Variants in ADAMTS6 observed in about 807,000 individuals in gnomAD.
ADAMTS6 encodes the protein ADAM metallopeptidase with thrombospondin type 1 motif 6.
A neutral mutation model predicts 144.3 loss-of-function variants in ADAMTS6; 23 were observed. That is an observed-to-expected ratio of 0.16 (90% CI 0.11 to 0.23). The LOEUF is 0.23. ADAMTS6 is among the 10% of genes least tolerant of loss of function. The pLI, the probability that ADAMTS6 is intolerant of heterozygous loss-of-function variation, is 1.00. For missense variants in ADAMTS6, 999 were observed against 1,379.6 expected, an observed-to-expected ratio of 0.72 and a Z score of 4.37; for synonymous variants, 444 against 457.5, an observed-to-expected ratio of 0.97 and a Z score of 0.38.
chr5:65,164,689 C>T lies in ADAMTS6; in HGVS notation c.3244+5928G>A, dbSNP rs1490023243. ...CAGCACGCAGCTGGAGATCTGAGAACGGGCAGACTGCCTCCTCAAGTGGGT... is the reference window on the plus strand; with the variant it reads ...CAGCACGCAGCTGGAGATCTGAGAATGGGCAGACTGCCTCCTCAAGTGGGT... On this transcript the variant is annotated intron_variant, in intron 24 of 24. Transcript: ENST00000381055. 3.4e-3 allele frequency among the ~76,000 whole-genome samples: 505 copies of T among 146,908 alleles called. 1 individual carries two copies. Among genetic ancestry groups the T allele is most frequent in the African/African-American group, 0.012 (467 of 38,888 alleles).
At chr5:65,422,721 T>C (rs1756173441) in intron 7 of ADAMTS6, among the ~76,000 whole-genome samples, 1 of 152,122 alleles carries the variant, frequency 6.6e-6, no homozygotes, top group African/African-American at 2.4e-5. Flanking sequence ...ACAAACTCTA[T>C]GGAAAGCAGT....
intron 7 of ADAMTS6, among the ~76,000 whole-genome samples, chr5:65,444,400 C>T (rs1183920246): frequency 6.6e-6 from 1 of 152,078 alleles, no homozygotes; most frequent in East Asian, 1.9e-4. Flanking sequence ...AATAAATGAA[C>T]TTAGCAAGGT....
intron 7 of ADAMTS6, among the ~76,000 whole-genome samples, chr5:65,371,551 C>T (rs527649194): frequency 5.9e-5 from 9 of 151,718 alleles, no homozygotes; most frequent in African/African-American, 1.5e-4. Context: ...TGAAATGAAG[C>T]GAGAAGGGAA....
At chr5:65,467,498 A>G (rs188799569) in intron 3 of ADAMTS6, among the ~76,000 whole-genome samples, 1 of 152,162 alleles carries the variant, frequency 6.6e-6, no homozygotes, top group Non-Finnish European at 1.5e-5. Context: ...GAATCAGACT[A>G]GCAGCAGACT....
At chr5:65,387,315 CATAG>C (rs1186995793) in intron 7 of ADAMTS6, among the ~76,000 whole-genome samples, 1 of 152,158 alleles carries the variant, frequency 6.6e-6, no homozygotes, top group Admixed American at 6.5e-5. Flanking sequence ...TAATGTACTT[CATAG>C]ATTAATTATT....
At chr5:65,459,143 G>C (rs1283138430) in intron 4 of ADAMTS6, among the ~76,000 whole-genome samples, 2 of 151,908 alleles carry the variant, frequency 1.3e-5, no homozygotes, top group Non-Finnish European at 1.5e-5. Context: ...CTCCCTGAGA[G>C]CTGGGATTAC....
intron 11 of ADAMTS6, among the ~76,000 whole-genome samples, chr5:65,287,500 C>T (rs1469197256): frequency 6.6e-6 from 1 of 152,032 alleles, no homozygotes; most frequent in Non-Finnish European, 1.5e-5. Context: ...TTAGTTTCCT[C>T]ACCTATAAAA....
chr5:65,433,180 TG>T (rs1318568453), intron 7 of ADAMTS6, among the ~76,000 whole-genome samples: 2 of 152,186 alleles, frequency 1.3e-5, no homozygotes, highest in East Asian at 3.8e-4. Flanking sequence ...CGCTTCTCCA[TG>T]AAAAATTGGT....
In ADAMTS6 at chr5:65,245,163, C is replaced by A. The variant is rs76845886; in HGVS notation, c.1831-2957G>T. Among the ~76,000 whole-genome samples the A allele has an allele frequency of 5.5e-3, 844 of 152,272 alleles. 9 individuals are homozygous for A. Among genetic ancestry groups the A allele is most frequent in the African/African-American group, 0.019 (792 of 41,564 alleles). On this transcript the variant is annotated intron_variant, in intron 14 of 24. Coordinates refer to ENST00000381055, the MANE Select transcript of ADAMTS6 (RefSeq NM_197941.4). ...AGCACTTAATAATTATTAGCAGCTA[C>A]GCAGGTGTCCTTACACTCATTCCTT...
intron 14 of ADAMTS6, among the ~76,000 whole-genome samples, chr5:65,244,262 A>G (rs2112506272): frequency 6.6e-6 from 1 of 152,254 alleles, no homozygotes; most frequent in Admixed American, 6.6e-5. Context: ...AAGCTAGATG[A>G]AAGAGATGAA....
chr5:65,273,588 TGGA>T (rs1288827099), intron 11 of ADAMTS6, 141 bp from the exon 12 acceptor site: 29 of 566,256 alleles, frequency 5.1e-5, no homozygotes, highest in Admixed American at 5.8e-5. Context: ...TTGAGGATTT[TGGA>T]GGAGGTTTTT....
chr5:65,464,468 A>G (rs143959911), intron 3 of ADAMTS6, among the ~76,000 whole-genome samples: 119 of 152,346 alleles, frequency 7.8e-4, no homozygotes, highest in African/African-American at 2.8e-3. Context: ...ATTGGAGGCA[A>G]AGTCACAGGT....
intron 14 of ADAMTS6, among the ~76,000 whole-genome samples, chr5:65,258,159 C>A (rs1378460389): frequency 6.6e-6 from 1 of 151,780 alleles, no homozygotes; most frequent in African/African-American, 2.4e-5. Flanking sequence ...ATTAGGAGTC[C>A]TAGAGTTGTA....
chr5:65,408,088 A>T (rs1012196071), intron 7 of ADAMTS6, among the ~76,000 whole-genome samples: 17 of 152,172 alleles, frequency 1.1e-4, no homozygotes, highest in African/African-American at 4.1e-4. Context: ...AAACTACATA[A>T]ACTAATGGGC....
rs182900624 is a variant in ADAMTS6, at chr5:65,159,166, C to T, written c.3245-7221G>A. ...TTTTATTATTTTCCCCCCAGTTCATCACTCTCCTTTTAATCCCTACAATAT... is the reference window on the plus strand; with the variant it reads ...TTTTATTATTTTCCCCCCAGTTCATTACTCTCCTTTTAATCCCTACAATAT... On this transcript the variant is annotated intron_variant, in intron 24 of 24. Coordinates refer to ENST00000381055, the MANE Select transcript of ADAMTS6 (RefSeq NM_197941.4). Among the ~76,000 whole-genome samples the T allele has an allele frequency of 1.3e-3, 191 of 152,234 alleles. 1 individual carries two copies. The highest frequency in any genetic ancestry group is 2.2e-3 in the Non-Finnish European group (148 of 68,020).
rs188506180 is a variant in ADAMTS6 at position 65,216,887 on chromosome 5, A to C, written c.2273-1400T>G. Among the ~76,000 whole-genome samples the C allele has an allele frequency of 7.2e-5, 11 of 152,214 alleles. 2 individuals carry two copies. In the East Asian group the frequency reaches 1.9e-3, roughly 27 times the overall value. On this transcript the variant is annotated intron_variant, in intron 18 of 24. Coordinates refer to ENST00000381055, the MANE Select transcript of ADAMTS6 (RefSeq NM_197941.4). ...AACTCCTATAAACAAACAGGAAACA[A>C]ATAAACATGTCAGCTTAATATTTTG...
At chr5:65,362,657 C>A (rs1235691048) in intron 7 of ADAMTS6, among the ~76,000 whole-genome samples, 1 of 152,104 alleles carries the variant, frequency 6.6e-6, no homozygotes, top group South Asian at 2.1e-4. Flanking sequence ...GATGTAAGTA[C>A]CATAATGGCA....
intron 7 of ADAMTS6, among the ~76,000 whole-genome samples, chr5:65,438,711 T>C (rs1230591356): frequency 6.6e-6 from 1 of 152,204 alleles, no homozygotes; most frequent in Non-Finnish European, 1.5e-5. Context: ...GCTGCAGATA[T>C]AGTATGTACT....
chr5:65,252,289 G>C (rs1164233747), intron 14 of ADAMTS6, among the ~76,000 whole-genome samples: 1 of 151,018 alleles, frequency 6.6e-6, no homozygotes, highest in African/African-American at 2.4e-5. Context: ...TAGGAATTCC[G>C]CTCGGAGCAA....
Sources: gnomAD v4.1 joint callset for allele counts (sites outside exome capture counted in the v4.1 genomes callset) on GRCh38, gnomAD v4.1.1 for gene constraint, MANE v1.5 for transcripts, NCBI Gene and HGNC (gene_info 2026-07-23, HGNC 2026-07-21) for gene names.